The following ZFHX3 variants were observed in gnomAD, a reference collection of about 807,000 sequenced individuals.
ZFHX3 encodes the protein zinc finger homeobox 3.
Under a neutral mutation model 279.1 loss-of-function variants are expected in ZFHX3, and 42 were observed. The ratio of observed to expected loss-of-function variants is 0.15; its 90% CI spans 0.12 to 0.19. The LOEUF (loss-of-function observed/expected upper bound fraction) is 0.19, where lower values mean the gene tolerates loss of function less well. Among genes scored for constraint, ZFHX3 ranks in the 10% least tolerant of loss-of-function variants. The pLI is 1.00. For synonymous variants in ZFHX3, 2,293 were observed against 1,957.8 expected, an observed-to-expected ratio of 1.17 and a Z score of -4.52; for missense variants, 4,981 against 4,754.0, an observed-to-expected ratio of 1.05 and a Z score of -1.40.
At chr16:73,449,372 T>C (rs1194136458) in intron 3 of ZFHX3, among the ~76,000 whole-genome samples, 1 of 152,090 alleles carries the variant, frequency 6.6e-6, no homozygotes, top group Admixed American at 6.6e-5. Flanking sequence ...AAAGTCTTCT[T>C]AAAAACAAGC....
At chr16:73,338,787 A>G (rs982680978) in intron 3 of ZFHX3, among the ~76,000 whole-genome samples, 4 of 152,128 alleles carry the variant, frequency 2.6e-5, no homozygotes, top group African/African-American at 9.7e-5. Flanking sequence ...CCCCAGTGTT[A>G]TAGGAGGGGC....
chr16:73,756,526 A>G (rs1348729901), intron 1 of ZFHX3, among the ~76,000 whole-genome samples: 1 of 152,184 alleles, frequency 6.6e-6, no homozygotes, highest in Non-Finnish European at 1.5e-5. Flanking sequence ...ACAAATGCAC[A>G]GGCAGATTGA....
At position 73,520,304 on chromosome 16, in the gene ZFHX3, TA is replaced by T. The variant is rs2019589894; in HGVS notation, c.-1546-64047del. On this transcript the variant is annotated intron_variant, in intron 2 of 17. Transcript: ENST00000641206. ...TTTCCATAAATTGCACCAAATTCTA[TA>T]AATTAAAATTGGAATTATATAATCC... 4.6e-5 allele frequency among the ~76,000 whole-genome samples: 7 copies of T among 152,332 alleles called. No individual in the cohort carries two copies. The South Asian group carries it at 1.4e-3, about 32-fold the overall frequency.
intron 7 of ZFHX3, among the ~76,000 whole-genome samples, chr16:73,120,816 G>A (rs1382712621): frequency 2.0e-5 from 3 of 151,678 alleles, no homozygotes; most frequent in African/African-American, 7.3e-5. Flanking sequence ...TACCACGCCC[G>A]GCGAATTTTT....
intron 1 of ZFHX3, among the ~76,000 whole-genome samples, chr16:73,701,166 A>G (rs188621116): frequency 6.6e-6 from 1 of 152,356 alleles, no homozygotes; most frequent in Admixed American, 6.5e-5. Flanking sequence ...CTTCATGAGC[A>G]TAAGCCTCGA....
intron 3 of ZFHX3, among the ~76,000 whole-genome samples, chr16:72,949,933 C>G (rs529489597): frequency 2.1e-5 from 2 of 96,578 alleles, no homozygotes; most frequent in Non-Finnish European, 2.0e-5. Flanking sequence ...TTTTTTTGGT[C>G]AGATTCATGC....
intron 2 of ZFHX3, among the ~76,000 whole-genome samples, chr16:73,503,755 G>A (rs2019277876): frequency 6.6e-6 from 1 of 152,176 alleles, no homozygotes; most frequent in East Asian, 1.9e-4. Context: ...TTGGTTAAAT[G>A]TAACCACCGA....
rs940093732 is a variant in ZFHX3, at chr16:73,065,937, C to T, written c.-532-6925G>A. On this transcript the variant is annotated intron_variant, in intron 8 of 17. Coordinates refer to the ZFHX3 transcript ENST00000641206. ...TGCGAATCCGATCTTCCCGTGCGCT[C>T]ATGACACGAAATTTGGAGCCCGTAC... Among the ~76,000 whole-genome samples the T allele has an allele frequency of 5.9e-5, 9 of 152,360 alleles. No homozygotes were observed. The South Asian group carries it at 1.2e-3, about 21-fold the overall frequency.
At chr16:73,755,923 C>CCA (rs1377175529) in intron 1 of ZFHX3, among the ~76,000 whole-genome samples, 1 of 152,194 alleles carries the variant, frequency 6.6e-6, no homozygotes, top group Non-Finnish European at 1.5e-5. Flanking sequence ...TCTCCCACGG[C>CCA]CGGGTGACAG....
rs560444551 is a variant in ZFHX3, at chr16:72,808,271, A to G, written c.3864+3306T>C. 2.0e-5 allele frequency among the ~76,000 whole-genome samples: 3 copies of G among 152,202 alleles called. No individual in the cohort carries two copies. The South Asian group carries it at 6.2e-4, about 32-fold the overall frequency. ...CAGAGATCAAGATCATCAGTATTCCAGTCCTCAAATACGATCTCAGGTTCA... is the reference window on the plus strand; with the variant it reads ...CAGAGATCAAGATCATCAGTATTCCGGTCCTCAAATACGATCTCAGGTTCA... On this transcript the variant is annotated intron_variant, in intron 7 of 9. Coordinates refer to ENST00000268489, the MANE Select transcript of ZFHX3 (RefSeq NM_006885.4).
chr16:73,559,044 T>TTGTG (rs375638006), intron 2 of ZFHX3, among the ~76,000 whole-genome samples: 102 of 149,482 alleles, frequency 6.8e-4, no homozygotes, highest in African/African-American at 2.2e-3. Context: ...ACTCCTCTTT[T>TTGTG]TGTGTGTGTG....
Position 73,541,239 on chromosome 16 carries a change from C to T in ZFHX3, c.-1546-84981G>A, listed in dbSNP as rs367931692. Among the ~76,000 whole-genome samples the T allele has an allele frequency of 2.0e-5, 3 of 152,290 alleles. No individual in the cohort carries two copies. The East Asian group carries it at 5.8e-4, about 29-fold the overall frequency. ...TTAAACACATGCTATCATCCCAGCA[C>T]TTTGGGAGGCCAAGGCGGGAGGATC... On this transcript the variant is annotated intron_variant, in intron 2 of 17. Coordinates refer to the ZFHX3 transcript ENST00000641206.
intron 3 of ZFHX3, among the ~76,000 whole-genome samples, chr16:73,372,455 A>T (rs2016647559): frequency 6.6e-6 from 1 of 152,180 alleles, no homozygotes; most frequent in South Asian, 2.1e-4. Flanking sequence ...AATTCCCCCA[A>T]ATTCAAATAA....
chr16:72,933,829 T>TTTTTTG, intron 3 of ZFHX3, among the ~76,000 whole-genome samples: 1 of 134,794 alleles, frequency 7.4e-6, no homozygotes. Flanking sequence ...TTTTTTTTTT[T>TTTTTTG]TTTTTTTGAG....
intron 4 of ZFHX3, among the ~76,000 whole-genome samples, chr16:73,280,860 C>A (rs2014438369): frequency 6.6e-6 from 1 of 151,920 alleles, no homozygotes; most frequent in African/African-American, 2.4e-5. Context: ...TGGTGCATGC[C>A]TGTCATCCCA....
chr16:73,687,989 T>A (rs4417571), intron 1 of ZFHX3, among the ~76,000 whole-genome samples: 149,361 of 152,224 alleles, frequency 0.98, 73,301 homozygotes, highest in East Asian at 1. Context: ...GCAAATTCAC[T>A]ATAGAGCAGG....
At chr16:73,724,877 C>A (rs2053505134) in intron 1 of ZFHX3, among the ~76,000 whole-genome samples, 1 of 152,248 alleles carries the variant, frequency 6.6e-6, no homozygotes, top group Non-Finnish European at 1.5e-5. Context: ...CCCTACCCCT[C>A]ATCAGGCCCC....
At chr16:73,718,613 TA>T (rs1196607233) in intron 1 of ZFHX3, among the ~76,000 whole-genome samples, 4 of 51,410 alleles carry the variant, frequency 7.8e-5, no homozygotes, top group Non-Finnish European at 2.3e-4. Context: ...ATTTATTTAT[TA>T]TTTATTTATT....
chr16:73,791,249 G>A (rs546853829), intron 1 of ZFHX3, among the ~76,000 whole-genome samples: 155 of 151,954 alleles, frequency 1.0e-3, no homozygotes, highest in Non-Finnish European at 1.9e-3. Flanking sequence ...ACAGGCATGA[G>A]CCACCGTGCC....
Sources: allele counts gnomAD v4.1 joint callset (sites outside exome capture counted in the v4.1 genomes callset), GRCh38; gene constraint gnomAD v4.1.1; transcripts MANE v1.5; gene names NCBI Gene and HGNC (gene_info 2026-07-23, HGNC 2026-07-21).